Variants in MTUS2 observed in about 807,000 individuals in gnomAD.
The protein encoded by MTUS2 is microtubule associated scaffold protein 2, also known as microtubule-associated tumor suppressor candidate 2.
A neutral mutation model predicts 114.1 loss-of-function variants in MTUS2; 40 were observed. The ratio of observed to expected loss-of-function variants is 0.35; its 90% CI spans 0.27 to 0.46. The LOEUF (loss-of-function observed/expected upper bound fraction) is 0.46, where lower values mean the gene tolerates loss of function less well. Ranked by LOEUF, MTUS2 falls within the 20% of genes least tolerant of loss-of-function variation. MTUS2 has a pLI of 1.00. For synonymous variants in MTUS2, 688 were observed against 672.0 expected (o/e 1.02, Z -0.37); for missense variants, 1,679 against 1,705.4 (o/e 0.98, Z 0.27).
At chr13:28,821,898 C>A (rs186193469) in intron 1 of MTUS2, among the ~76,000 whole-genome samples, 5 of 152,174 alleles carry the variant, frequency 3.3e-5, no homozygotes. Context: ...AATGCTCTTT[C>A]TTGATTTTCC....
At chr13:29,359,569 G>C in intron 8 of MTUS2, 96 bp downstream of exon 8, 1 of 1,382,432 alleles carries the variant, frequency 7.2e-7, no homozygotes, top group Non-Finnish European at 9.9e-7. Flanking sequence ...TTTTGGGTTT[G>C]AGTTTTGATC....
chr13:29,087,315 A>G (rs1889736050), intron 4 of MTUS2, among the ~76,000 whole-genome samples: 1 of 152,162 alleles, frequency 6.6e-6, no homozygotes, highest in Non-Finnish European at 1.5e-5. Flanking sequence ...ACATGAAAGG[A>G]TGTTGAATTT....
chr13:29,454,858 G>A (rs1038057178), intron 9 of MTUS2, among the ~76,000 whole-genome samples: 2 of 152,218 alleles, frequency 1.3e-5, no homozygotes, highest in African/African-American at 4.8e-5. Context: ...CTGGAAGCTT[G>A]TACCAACTCT....
chr13:29,073,513 A>G (rs1329172676), intron 4 of MTUS2, among the ~76,000 whole-genome samples: 1 of 125,786 alleles, frequency 8.0e-6, no homozygotes, highest in Non-Finnish European at 1.7e-5. Flanking sequence ...CACATGTGTA[A>G]TGAGGTTAGT....
chr13:29,258,606 G>T (rs1266892263), intron 5 of MTUS2, among the ~76,000 whole-genome samples: 1 of 152,196 alleles, frequency 6.6e-6, no homozygotes, highest in Non-Finnish European at 1.5e-5. Flanking sequence ...TTCAGAATTT[G>T]CCATTATTTA....
intron 2 of MTUS2, among the ~76,000 whole-genome samples, chr13:29,013,723 C>T (rs1045202314): frequency 1.3e-5 from 2 of 152,202 alleles, no homozygotes; most frequent in Admixed American, 6.5e-5. Flanking sequence ...ACAGACCTTC[C>T]ATGTGTGTGA....
chr13:29,035,924 C>T (rs58040978), intron 4 of MTUS2, among the ~76,000 whole-genome samples: 308 of 152,072 alleles, frequency 2.0e-3, no homozygotes, highest in African/African-American at 6.8e-3. Context: ...GTGGACGGAT[C>T]GCTGGAGGCC....
At chr13:28,881,829 C>A (rs546422839) in intron 2 of MTUS2, among the ~76,000 whole-genome samples, 2 of 152,114 alleles carry the variant, frequency 1.3e-5, no homozygotes, top group Admixed American at 1.3e-4. Context: ...TGAGGACTTA[C>A]GTTACTGAAT....
intron 6 of MTUS2, among the ~76,000 whole-genome samples, chr13:29,311,524 T>C (rs1899761737): frequency 6.6e-6 from 1 of 152,182 alleles, no homozygotes; most frequent in Non-Finnish European, 1.5e-5. Context: ...GAGAATATGA[T>C]GCAAATGAAG....
intron 4 of MTUS2, among the ~76,000 whole-genome samples, chr13:29,090,378 G>A (rs1889885298): frequency 6.6e-6 from 1 of 152,144 alleles, no homozygotes; most frequent in African/African-American, 2.4e-5. Flanking sequence ...CTCTGGTAGG[G>A]TAGTGGAGTG....
intron 5 of MTUS2, among the ~76,000 whole-genome samples, chr13:29,111,359 G>A (rs999960598): frequency 3.9e-5 from 6 of 152,268 alleles, no homozygotes; most frequent in Middle Eastern, 6.8e-3. Flanking sequence ...AAAATGCAGA[G>A]CTATGAGATG....
intron 7 of MTUS2, among the ~76,000 whole-genome samples, chr13:29,354,931 C>T (rs9314949): frequency 0.19 from 28,504 of 152,252 alleles, 2,763 homozygotes; most frequent in Middle Eastern, 0.23. Context: ...TGACCAAACC[C>T]GTGAACTGCT....
At chr13:29,499,473 G>A (rs1186612225) in intron 14 of MTUS2, among the ~76,000 whole-genome samples, 3 of 152,188 alleles carry the variant, frequency 2.0e-5, no homozygotes, top group Admixed American at 6.5e-5. Context: ...ACTAACAAAA[G>A]TAAATATGTG....
intron 5 of MTUS2, among the ~76,000 whole-genome samples, chr13:29,192,446 T>C (rs183345390): frequency 2.0e-5 from 3 of 152,304 alleles, no homozygotes; most frequent in African/African-American, 7.2e-5. Flanking sequence ...CCCAAACTTA[T>C]AGCTAGAGAG....
At chr13:29,064,142 C>T (rs1229706569) in intron 4 of MTUS2, among the ~76,000 whole-genome samples, 4 of 152,086 alleles carry the variant, frequency 2.6e-5, no homozygotes, top group Non-Finnish European at 5.9e-5. Flanking sequence ...CCTGTATTAA[C>T]GAGGGCTTCA....
rs562894722 is a variant in MTUS2 at position 29,207,545 on chromosome 13, A to G, written c.2645-74159A>G. ...TTTTAGCTTTTCCCCATTCAGTATA[A>G]TGTTGGCTGTGGGACTGTCATAGAT... is the stretch of plus-strand genomic sequence containing the variant. On this transcript the variant is annotated intron_variant, in intron 5 of 15. Transcript: ENST00000612955. 4.6e-5 allele frequency among the ~76,000 whole-genome samples: 7 copies of G among 152,328 alleles called. No individual in the cohort carries two copies. The East Asian group carries it at 1.3e-3, about 29-fold the overall frequency.
At chr13:28,834,661 A>T (rs1874943953) in intron 1 of MTUS2, among the ~76,000 whole-genome samples, 1 of 152,220 alleles carries the variant, frequency 6.6e-6, no homozygotes, top group Non-Finnish European at 1.5e-5. Flanking sequence ...AGGAGTGACG[A>T]ATATATAGGT....
chr13:28,832,669 A>G (rs1874776461), intron 1 of MTUS2, among the ~76,000 whole-genome samples: 1 of 148,050 alleles, frequency 6.8e-6, no homozygotes, highest in East Asian at 1.9e-4. Context: ...AATTGTATAT[A>G]TTTAAAATTA....
At chr13:28,954,755 A>G (rs1202624144) in intron 2 of MTUS2, among the ~76,000 whole-genome samples, 4 of 152,046 alleles carry the variant, frequency 2.6e-5, no homozygotes, top group Non-Finnish European at 4.4e-5. Context: ...AGAGAGGGGA[A>G]TGATCAGGTT....
Sources: gnomAD v4.1 joint callset for allele counts (sites outside exome capture counted in the v4.1 genomes callset) on GRCh38, gnomAD v4.1.1 for gene constraint, MANE v1.5 for transcripts, NCBI Gene and HGNC (gene_info 2026-07-23, HGNC 2026-07-21) for gene names.